KANK4: variants seen among roughly 807,000 people sequenced by gnomAD.
KANK4 encodes KN motif and ankyrin repeat domain-containing protein 4.
In KANK4, 50 loss-of-function variants were observed where a neutral mutation model predicts 80.8. The observed-to-expected ratio is 0.62, with a 90% confidence interval of 0.49 to 0.78. The LOEUF (loss-of-function observed/expected upper bound fraction) is 0.78. Ranked by LOEUF, KANK4 falls within the 30% of genes least tolerant of loss-of-function variation. KANK4 has a pLI of 0.00. For synonymous variants in KANK4, 465 were observed against 506.9 expected (o/e 0.92, Z 1.11); for missense variants, 1,196 against 1,240.1 (o/e 0.96, Z 0.53).
At chr1:62,271,762 C>T (rs1209490054) in intron 3 of KANK4, 173 bp from the exon 4 acceptor site, 5 of 563,388 alleles carry the variant, frequency 8.9e-6, no homozygotes, top group South Asian at 2.1e-5. Flanking sequence ...AGGAGCCTTG[C>T]TTTCTGCTCA....
In KANK4 at chr1:62,300,837, C is replaced by T. The variant is rs547549396; in HGVS notation, c.-71+18269G>A. On this transcript the variant is annotated intron_variant, in intron 1 of 9. Transcript: ENST00000371153. ...CAATAAATATTTACAGAATGAACAA[C>T]TGACTTCAAGAGGGAAATAGCAAGT... Among the ~76,000 whole-genome samples the T allele has an allele frequency of 1.3e-3, 194 of 152,150 alleles. 1 individual carries two copies. The highest frequency in any genetic ancestry group is 1.9e-3 in the Non-Finnish European group (129 of 67,992).
At chr1:62,256,684 C>A (rs554264745) in intron 7 of KANK4, among the ~76,000 whole-genome samples, 1 of 152,066 alleles carries the variant, frequency 6.6e-6, no homozygotes, top group Non-Finnish European at 1.5e-5. Context: ...CGCCTGGCTA[C>A]CCCATAATTT....
intron 7 of KANK4, among the ~76,000 whole-genome samples, chr1:62,260,390 CTT>C (rs1477984765): frequency 6.6e-6 from 1 of 151,908 alleles, no homozygotes; most frequent in Non-Finnish European, 1.5e-5. Flanking sequence ...CCATCTCTCT[CTT>C]TGTCTGTCTC....
chr1:62,297,075 G>GTTTTATTTTTTTGTATTT (rs1213292331), intron 1 of KANK4, among the ~76,000 whole-genome samples: 2 of 151,752 alleles, frequency 1.3e-5, no homozygotes, highest in Non-Finnish European at 2.9e-5. Flanking sequence ...AAATTAGCCG[G>GTTTTATTTTTTTGTATTT]GTGTGGTGAT....
intron 4 of KANK4, among the ~76,000 whole-genome samples, chr1:62,269,192 A>G (rs1557484917): frequency 6.6e-6 from 1 of 152,234 alleles, no homozygotes; most frequent in Non-Finnish European, 1.5e-5. Flanking sequence ...GCTCAATTAT[A>G]AGTGACTCTG....
chr1:62,247,477 C>T lies in KANK4; in HGVS notation c.2878G>A (p.Asp960Asn). 5 of 1,613,880 alleles carry T rather than the reference C, an allele frequency of 3.1e-6. No individual in the cohort carries two copies. Among genetic ancestry groups the T allele is most frequent in the Non-Finnish European group, 4.2e-6 (5 of 1,180,000 alleles). ...TAATTGCCTGTAAGTCTCACCTTGT[C>T]AGTCAGGCTGCTGTCGCAGGCTGGG... ...AHPACDSSLT[D>N]KAGRTALSIA... is the part of the protein sequence containing the mutation. The change falls in exon 9 of 10, where the codon GAC (aspartate) becomes AAC (asparagine). Residue 960 changes from aspartate to asparagine, a missense_variant. This residue lies in a region of KANK4 where 1,154 missense variants were observed against 1,179.6 expected (regional missense o/e 0.98). Transcript: ENST00000371153.
chr1:62,307,061 G>T (rs1340334479), intron 1 of KANK4, among the ~76,000 whole-genome samples: 1 of 152,128 alleles, frequency 6.6e-6, no homozygotes, highest in African/African-American at 2.4e-5. Context: ...AAGCAAACAG[G>T]CCTACCCGTC....
In KANK4 at chr1:62,274,323, G is replaced by T. The variant is rs373505382; in HGVS notation, c.781C>A (p.Leu261Ile). 6.2e-7 allele frequency: 1 copy of T among 1,614,082 alleles called. No homozygotes were observed. ...PFSFQNVLVV[L>I]EDKEDEHNAR... ...TTGTGTTCATCTTCCTTGTCCTCTA[G>T]AACTACAAGCACATTCTGGAATGAG... The change falls in exon 3 of 10, where the codon CTA becomes ATA. Residue 261 changes from leucine (L) to isoleucine (I), a missense_variant. By Grantham distance (5) the Leu-to-Ile change is conservative (BLOSUM62 2). Coordinates refer to ENST00000371153, the MANE Select transcript of KANK4 (RefSeq NM_181712.5).
chr1:62,285,287 G>A (rs373365415), intron 1 of KANK4, among the ~76,000 whole-genome samples: 4 of 152,288 alleles, frequency 2.6e-5, no homozygotes, highest in East Asian at 1.9e-4. Flanking sequence ...GGCAGACAGC[G>A]ATGATAGTCC....
intron 1 of KANK4, among the ~76,000 whole-genome samples, chr1:62,303,900 C>T (rs949070630): frequency 6.6e-6 from 1 of 151,186 alleles, no homozygotes; most frequent in Non-Finnish European, 1.5e-5. Flanking sequence ...TTGAGACAGG[C>T]TCTCATTCTG....
chr1:62,298,783 T>C (rs1364608288), intron 1 of KANK4, among the ~76,000 whole-genome samples: 1 of 152,248 alleles, frequency 6.6e-6, no homozygotes, highest in East Asian at 1.9e-4. Context: ...CTGTTGTTTT[T>C]GAGGGAAGGA....
At chr1:62,282,658 G>A (rs986840738) in intron 1 of KANK4, among the ~76,000 whole-genome samples, 2 of 152,210 alleles carry the variant, frequency 1.3e-5, no homozygotes, top group Non-Finnish European at 1.5e-5. Flanking sequence ...TCAAATAAGA[G>A]AGAAATGCCA....
intron 1 of KANK4, among the ~76,000 whole-genome samples, chr1:62,290,954 G>A (rs1199218393): frequency 2.0e-5 from 3 of 151,916 alleles, no homozygotes; most frequent in South Asian, 2.1e-4. Flanking sequence ...GTTTCACCGT[G>A]TTAGCCAGAA....
At chr1:62,272,251 G>C (rs1672180829) in intron 3 of KANK4, 1 of 152,654 alleles carries the variant, frequency 6.6e-6, no homozygotes, top group African/African-American at 2.4e-5. Context: ...TGTTACAACA[G>C]GAAGTGCTGC....
intron 9 of KANK4, among the ~76,000 whole-genome samples, chr1:62,240,402 G>T (rs1461668786): frequency 6.6e-6 from 1 of 152,230 alleles, no homozygotes; most frequent in East Asian, 1.9e-4. Context: ...GGGTGCAGTG[G>T]CTCATGCCTG....
chr1:62,253,006 AGAATAAAGC>A, intron 8 of KANK4, 52 bp downstream of exon 8: 1 of 1,577,896 alleles, frequency 6.3e-7, no homozygotes, highest in Non-Finnish European at 8.7e-7. Context: ...CCCCACTAGC[AGAATAAAGC>A]GGGAGGTGCC....
At chr1:62,295,311 T>A (rs2149162955) in intron 1 of KANK4, among the ~76,000 whole-genome samples, 1 of 152,254 alleles carries the variant, frequency 6.6e-6, no homozygotes, top group East Asian at 1.9e-4. Flanking sequence ...CCGGCTAATT[T>A]TTTTGTATTT....
intron 1 of KANK4, among the ~76,000 whole-genome samples, chr1:62,287,575 C>A (rs1672597374): frequency 6.6e-6 from 1 of 152,182 alleles, no homozygotes; most frequent in Non-Finnish European, 1.5e-5. Flanking sequence ...TGCATCAATG[C>A]TTGAAGCAGC....
chr1:62,290,454 T>C (rs1672655231), intron 1 of KANK4, among the ~76,000 whole-genome samples: 1 of 152,118 alleles, frequency 6.6e-6, no homozygotes, highest in Non-Finnish European at 1.5e-5. Context: ...CCTGAGAAAA[T>C]GTCCTTATTC....
Sources: gnomAD v4.1 joint callset for allele counts (sites outside exome capture counted in the v4.1 genomes callset) on GRCh38, gnomAD v4.1.1 for gene constraint, gnomAD v4.1.1 regional missense constraint, MANE v1.5 for transcripts, NCBI Gene and HGNC (gene_info 2026-07-23, HGNC 2026-07-21) for gene names.